The following ZBTB44 variants were observed in gnomAD, a reference collection of about 807,000 sequenced individuals.
ZBTB44 encodes zinc finger and BTB domain containing 44.
A neutral mutation model predicts 54.0 loss-of-function variants in ZBTB44; 15 were observed. The observed-to-expected ratio is 0.28, with a 90% CI of 0.19 to 0.43. The LOEUF is 0.43. Ranked by LOEUF, ZBTB44 falls within the 20% of genes least tolerant of loss-of-function variation. The pLI is 1.00. For missense variants in ZBTB44, 487 were observed against 707.1 expected (o/e 0.69, Z 3.53); for synonymous variants, 230 against 250.1 (o/e 0.92, Z 0.76).
chr11:130,230,420 T>TG lies in ZBTB44; in HGVS notation c.*1343_*1344insC, dbSNP rs1291586645. 6.8e-6 allele frequency: 1 copy of TG among 147,382 alleles called. No homozygotes were observed. The highest frequency in any genetic ancestry group is 1.5e-5 in the Non-Finnish European group (1 of 66,870). 9.1% of individuals were successfully genotyped at this position (147,382 alleles called of 1,614,324 possible). A position where few individuals can be genotyped will look rare whatever the true frequency, so the allele number is the denominator to read the frequency against. The stretch of plus-strand genomic sequence containing the variant: ...TATTTTAACAAGATGAAAGTTTTTT[T>TG]TTTTTTTTTTTTTTGCTAGTTATTA... On this transcript the variant is annotated 3_prime_UTR_variant, in exon 8 of 8. Transcript: ENST00000357899.
intron 1 of ZBTB44, among the ~76,000 whole-genome samples, chr11:130,265,688 A>T (rs1213651617): frequency 6.6e-6 from 1 of 152,230 alleles, no homozygotes; most frequent in African/African-American, 2.4e-5. Flanking sequence ...GCTGACATGC[A>T]GAAAGTTTGC....
chr11:130,313,337 GAAT>G (rs1942735712), intron 1 of ZBTB44, among the ~76,000 whole-genome samples: 2 of 152,248 alleles, frequency 1.3e-5, no homozygotes, highest in African/African-American at 4.8e-5. Flanking sequence ...TGCACAAAAT[GAAT>G]AATCTGGTTT....
intron 1 of ZBTB44, among the ~76,000 whole-genome samples, chr11:130,295,404 A>G (rs1274129643): frequency 6.6e-6 from 1 of 152,152 alleles, no homozygotes; most frequent in Non-Finnish European, 1.5e-5. Flanking sequence ...AAAGAGAAAA[A>G]TGGTGAATGA....
At chr11:130,282,294 T>C (rs149829500) in intron 1 of ZBTB44, among the ~76,000 whole-genome samples, 5 of 152,316 alleles carry the variant, frequency 3.3e-5, no homozygotes, top group African/African-American at 4.8e-5. Flanking sequence ...CATTAAACAA[T>C]AGCTCCCCAT....
chr11:130,245,226 A>C (rs772967362), intron 2 of ZBTB44, among the ~76,000 whole-genome samples: 1 of 152,050 alleles, frequency 6.6e-6, no homozygotes, highest in Non-Finnish European at 1.5e-5. Flanking sequence ...TTTCTCTATC[A>C]AACGGCATTC....
At chr11:130,235,953 G>A (rs1305127069) in intron 5 of ZBTB44, among the ~76,000 whole-genome samples, 1 of 149,498 alleles carries the variant, frequency 6.7e-6, no homozygotes, top group Non-Finnish European at 1.5e-5. Context: ...CTGGGTGACA[G>A]TGAGACTCCA....
At chr11:130,293,144 G>A (rs1360955852) in intron 1 of ZBTB44, among the ~76,000 whole-genome samples, 1 of 151,944 alleles carries the variant, frequency 6.6e-6, no homozygotes, top group Non-Finnish European at 1.5e-5. Flanking sequence ...AATTTCAAAT[G>A]GACTACTTTA....
intron 1 of ZBTB44, among the ~76,000 whole-genome samples, chr11:130,280,074 C>T (rs950690585): frequency 3.3e-5 from 5 of 152,122 alleles, no homozygotes; most frequent in African/African-American, 9.7e-5. Flanking sequence ...CACAAGCCAG[C>T]GCAACGGCAA....
At chr11:130,281,632 T>C (rs1235316141) in intron 1 of ZBTB44, among the ~76,000 whole-genome samples, 1 of 152,072 alleles carries the variant, frequency 6.6e-6, no homozygotes, top group Non-Finnish European at 1.5e-5. Flanking sequence ...TCTCACTCTG[T>C]CACCCCGGCT....
intron 1 of ZBTB44, among the ~76,000 whole-genome samples, chr11:130,265,614 G>A (rs890594205): frequency 6.6e-6 from 1 of 152,202 alleles, no homozygotes; most frequent in Non-Finnish European, 1.5e-5. Context: ...ACATATTCTT[G>A]AAGGAAATTA....
chr11:130,295,894 G>GATAATGGGT (rs1941613624), intron 1 of ZBTB44: 1 of 1,479,978 alleles, frequency 6.8e-7, no homozygotes, highest in South Asian at 1.1e-5. Flanking sequence ...GCATACCTAT[G>GATAATGGGT]GGTTGATAAT....
At chr11:130,294,719 T>G (rs1941532144) in intron 1 of ZBTB44, among the ~76,000 whole-genome samples, 1 of 152,140 alleles carries the variant, frequency 6.6e-6, no homozygotes, top group Admixed American at 6.6e-5. Flanking sequence ...CCCACATGCT[T>G]AGTGTTCCAA....
chr11:130,249,501 T>C (rs975418046), intron 2 of ZBTB44, among the ~76,000 whole-genome samples: 1 of 152,238 alleles, frequency 6.6e-6, no homozygotes, highest in Non-Finnish European at 1.5e-5. Context: ...ACGTCTTGGC[T>C]GCTGGCAAGA....
chr11:130,295,655 C>A (rs2134402330), intron 1 of ZBTB44: 3 of 1,189,044 alleles, frequency 2.5e-6, no homozygotes, highest in East Asian at 2.4e-5. Flanking sequence ...GTTTTACCAA[C>A]ATGACTGAAA....
intron 2 of ZBTB44, among the ~76,000 whole-genome samples, chr11:130,246,007 C>T (rs962260317): frequency 3.3e-5 from 5 of 152,138 alleles, no homozygotes; most frequent in Admixed American, 3.3e-4. Flanking sequence ...CAAAGCAAAA[C>T]TATTTTCCCT....
chr11:130,283,848 C>T (rs377256826), intron 1 of ZBTB44, among the ~76,000 whole-genome samples: 1 of 151,454 alleles, frequency 6.6e-6, no homozygotes, highest in Non-Finnish European at 1.5e-5. Flanking sequence ...CAGGTGCCTG[C>T]AGTCCCAGCT....
intron 6 of ZBTB44, chr11:130,233,750 T>A: frequency 8.7e-7 from 1 of 1,146,866 alleles, no homozygotes; most frequent in Non-Finnish European, 1.1e-6. Flanking sequence ...GTCAACCAGT[T>A]CTCCTTAAGT....
In ZBTB44 at chr11:130,260,911, TG is replaced by T; in HGVS notation, c.962del (p.Pro321GlnfsTer11). The T allele has an allele frequency of 6.2e-7, 1 of 1,614,038 alleles. No individual in the cohort carries two copies. Among genetic ancestry groups the T allele is most frequent in the Non-Finnish European group, 8.5e-7 (1 of 1,179,896 alleles). ...QSSLSDQQTV[P>X]GSEQVQEDLL... ...GGTCCTCTTGGACTTGTTCACTTCC[TG>T]GAACTGTCTGCTGATCACTCAGCGA... On this transcript the variant is annotated frameshift_variant, in exon 2 of 8. Coordinates refer to ENST00000357899, the MANE Select transcript of ZBTB44 (RefSeq NM_001301098.2). LOFTEE classifies it high-confidence loss of function.
chr11:130,250,092 C>T (rs1291744099), intron 2 of ZBTB44, among the ~76,000 whole-genome samples: 1 of 152,264 alleles, frequency 6.6e-6, no homozygotes, highest in African/African-American at 2.4e-5. Flanking sequence ...GAGGGACATC[C>T]GCCATTACTG....
Sources: allele counts gnomAD v4.1 joint callset (sites outside exome capture counted in the v4.1 genomes callset), GRCh38; gene constraint gnomAD v4.1.1; transcripts MANE v1.5; gene names NCBI Gene and HGNC (gene_info 2026-07-23, HGNC 2026-07-21).